The following ROR1 variants were observed in gnomAD, a reference collection of about 807,000 sequenced individuals.
ROR1 encodes the protein inactive tyrosine-protein kinase transmembrane receptor ROR1.
A neutral mutation model predicts 78.8 loss-of-function variants in ROR1; 19 were observed. That is an observed-to-expected ratio of 0.24 (90% CI 0.17 to 0.35). The LOEUF (loss-of-function observed/expected upper bound fraction) is 0.35. Ranked by LOEUF, ROR1 falls within the 10% of genes least tolerant of loss-of-function variation. The probability of loss-of-function intolerance (pLI) is 1.00; values close to 1 mark genes in which losing one functional copy is unlikely to be tolerated. For missense variants in ROR1, 917 were observed against 1,177.8 expected (o/e 0.78, Z 3.24); for synonymous variants, 386 against 433.6 (o/e 0.89, Z 1.36).
intron 4 of ROR1, among the ~76,000 whole-genome samples, chr1:64,068,402 A>T (rs1447883732): frequency 2.0e-5 from 3 of 152,174 alleles, no homozygotes; most frequent in African/African-American, 7.2e-5. Context: ...CTTGAGGTGG[A>T]GTTAGCAGTG....
chr1:63,960,312 T>C (rs1389444112), intron 1 of ROR1, among the ~76,000 whole-genome samples: 1 of 152,194 alleles, frequency 6.6e-6, no homozygotes, highest in Non-Finnish European at 1.5e-5. Context: ...GATGAAGGTA[T>C]CTCCTTACTT....
intron 4 of ROR1, among the ~76,000 whole-genome samples, chr1:64,136,977 C>A (rs17126220): frequency 6.6e-6 from 1 of 152,084 alleles, no homozygotes; most frequent in Non-Finnish European, 1.5e-5. Flanking sequence ...TGTTCGCCCA[C>A]GCCTTTGTAG....
intron 8 of ROR1, among the ~76,000 whole-genome samples, chr1:64,162,479 G>T (rs1052496741): frequency 6.6e-6 from 1 of 152,118 alleles, no homozygotes; most frequent in African/African-American, 2.4e-5. Flanking sequence ...CTGATCTGTG[G>T]GCAAAGGAAG....
chr1:63,779,780 C>T (rs1286608207), intron 1 of ROR1, among the ~76,000 whole-genome samples: 1 of 152,116 alleles, frequency 6.6e-6, no homozygotes, highest in Admixed American at 6.5e-5. Context: ...GATTGGGATG[C>T]TACCACCATC....
intron 7 of ROR1, among the ~76,000 whole-genome samples, chr1:64,149,667 A>G (rs188975337): frequency 6.6e-6 from 1 of 152,248 alleles, no homozygotes; most frequent in East Asian, 1.9e-4. Context: ...AAAGTTGGCC[A>G]TCTTCTCTGC....
chr1:63,857,847 C>G (rs1645158377), intron 1 of ROR1, among the ~76,000 whole-genome samples: 1 of 152,198 alleles, frequency 6.6e-6, no homozygotes, highest in Non-Finnish European at 1.5e-5. Context: ...GCCCCACCTC[C>G]AAGTCCCCAT....
chr1:64,028,701 A>C (rs1185408259), intron 2 of ROR1, among the ~76,000 whole-genome samples: 1 of 152,204 alleles, frequency 6.6e-6, no homozygotes, highest in Non-Finnish European at 1.5e-5. Context: ...AGTTTTTGAG[A>C]TATTTTGGTA....
At chr1:63,975,847 C>T (rs914661505) in intron 1 of ROR1, among the ~76,000 whole-genome samples, 7 of 152,154 alleles carry the variant, frequency 4.6e-5, no homozygotes, top group Non-Finnish European at 1.0e-4. Flanking sequence ...AGTCTACATC[C>T]AGCACCCTGC....
chr1:64,100,145 GTTAAA>G (rs1420107501), intron 4 of ROR1, among the ~76,000 whole-genome samples: 8 of 151,958 alleles, frequency 5.3e-5, no homozygotes, highest in Non-Finnish European at 1.0e-4. Flanking sequence ...TAGATGTTGA[GTTAAA>G]TTCAATTCAG....
At chr1:64,141,618 G>A (rs1351189783) in intron 6 of ROR1, among the ~76,000 whole-genome samples, 5 of 152,110 alleles carry the variant, frequency 3.3e-5, no homozygotes, top group Non-Finnish European at 7.3e-5. Flanking sequence ...TACCCCATCA[G>A]CAGCACCACG....
At chr1:63,826,259 C>G (rs1004758839) in intron 1 of ROR1, among the ~76,000 whole-genome samples, 1 of 152,042 alleles carries the variant, frequency 6.6e-6, no homozygotes, top group Non-Finnish European at 1.5e-5. Flanking sequence ...CTCCACCTTC[C>G]TATATGCCCT....
chr1:63,857,077 T>A (rs138861689), intron 1 of ROR1, among the ~76,000 whole-genome samples: 87 of 152,286 alleles, frequency 5.7e-4, no homozygotes, highest in African/African-American at 1.9e-3. Context: ...AGTTGCTCAA[T>A]AAGTACTTGT....
At chr1:64,079,570 C>T (rs1306386192) in intron 4 of ROR1, among the ~76,000 whole-genome samples, 1 of 151,564 alleles carries the variant, frequency 6.6e-6, no homozygotes, top group Non-Finnish European at 1.5e-5. Context: ...CTCCCAGGTT[C>T]AAGCAATTCT....
At chr1:63,932,770 G>A (rs1645764308) in intron 1 of ROR1, among the ~76,000 whole-genome samples, 1 of 152,204 alleles carries the variant, frequency 6.6e-6, no homozygotes, top group African/African-American at 2.4e-5. Context: ...GCATCCAGCT[G>A]ATCCTGTTGC....
intron 4 of ROR1, among the ~76,000 whole-genome samples, chr1:64,090,387 T>C (rs1215653736): frequency 6.6e-6 from 1 of 152,204 alleles, no homozygotes; most frequent in Admixed American, 6.5e-5. Context: ...CATTGAAACA[T>C]GGATTATGTC....
At chr1:64,066,663 T>G (rs1646958758) in intron 4 of ROR1, 1 of 152,432 alleles carries the variant, frequency 6.6e-6, no homozygotes, top group Non-Finnish European at 1.5e-5. Flanking sequence ...AATGAAGCAG[T>G]GAGAGTGGAG....
intron 1 of ROR1, among the ~76,000 whole-genome samples, chr1:63,980,294 C>T (rs142612310): frequency 6.6e-6 from 1 of 151,956 alleles, no homozygotes; most frequent in Admixed American, 6.6e-5. Context: ...AGTGGGTGAT[C>T]TCTTGAGGAA....
At chr1:64,113,684 A>G (rs946629962) in intron 4 of ROR1, 1 of 152,058 alleles carries the variant, frequency 6.6e-6, no homozygotes, top group Non-Finnish European at 1.5e-5. Flanking sequence ...ACAACCACTC[A>G]TCAATTTTCA....
intron 1 of ROR1, among the ~76,000 whole-genome samples, chr1:63,888,114 G>C (rs1488157521): frequency 2.0e-5 from 3 of 152,036 alleles, no homozygotes; most frequent in Non-Finnish European, 2.9e-5. Context: ...GCTAAGCAGA[G>C]GTCATTATTA....
Sources: gnomAD v4.1 joint callset for allele counts (sites outside exome capture counted in the v4.1 genomes callset) on GRCh38, gnomAD v4.1.1 for gene constraint, MANE v1.5 for transcripts, NCBI Gene and HGNC (gene_info 2026-07-23, HGNC 2026-07-21) for gene names.